Variants in EPM2A observed in about 807,000 individuals in gnomAD.
EPM2A encodes the protein EPM2A glucan phosphatase, laforin.
In EPM2A, 21 loss-of-function variants were observed where a neutral mutation model predicts 26.5. That is an observed-to-expected ratio of 0.79 (90% CI 0.56 to 1.14). The LOEUF (loss-of-function observed/expected upper bound fraction) is 1.14. Among genes scored for constraint, EPM2A ranks in the 50% most tolerant of loss-of-function variants. The pLI is 0.00. For synonymous variants in EPM2A, 217 were observed against 177.6 expected, an observed-to-expected ratio of 1.22 and a Z score of -1.76; for missense variants, 458 against 440.8, an observed-to-expected ratio of 1.04 and a Z score of -0.35.
chr6:145,569,125 T>A (rs1273090787), intron 2 of EPM2A, among the ~76,000 whole-genome samples: 7 of 152,236 alleles, frequency 4.6e-5, no homozygotes. Flanking sequence ...AATAGCACTA[T>A]GGCATGGACT....
chr6:145,632,922 C>T (rs778879576), intron 3 of EPM2A, among the ~76,000 whole-genome samples: 2 of 152,212 alleles, frequency 1.3e-5, no homozygotes, highest in African/African-American at 2.4e-5. Flanking sequence ...GCCTTTATCA[C>T]GTGGAAGCTT....
At chr6:145,485,827 G>C (rs1779663940) in intron 4 of EPM2A, among the ~76,000 whole-genome samples, 1 of 152,166 alleles carries the variant, frequency 6.6e-6, no homozygotes, top group African/African-American at 2.4e-5. Context: ...AAGGCAAAAG[G>C]CACGTCTCAC....
At chr6:145,476,754 G>A (rs1468578383) in intron 4 of EPM2A, among the ~76,000 whole-genome samples, 1 of 151,862 alleles carries the variant, frequency 6.6e-6, no homozygotes, top group Non-Finnish European at 1.5e-5. Context: ...TGAAACAAAT[G>A]GTAAGGAAGA....
chr6:145,553,493 C>T (rs1309238508), intron 2 of EPM2A, among the ~76,000 whole-genome samples: 1 of 152,042 alleles, frequency 6.6e-6, no homozygotes, highest in Non-Finnish European at 1.5e-5. Flanking sequence ...TTTGTGCTGT[C>T]TACCTTCCAA....
chr6:145,564,269 C>CAT (rs975001174), intron 2 of EPM2A, among the ~76,000 whole-genome samples: 7 of 152,148 alleles, frequency 4.6e-5, no homozygotes, highest in African/African-American at 1.4e-4. Flanking sequence ...TACATGTGTT[C>CAT]ATATATATAC....
chr6:145,468,627 C>A (rs1231717380), intron 4 of EPM2A, among the ~76,000 whole-genome samples: 1 of 86,046 alleles, frequency 1.2e-5, no homozygotes, highest in Non-Finnish European at 2.3e-5. Context: ...ATACAAAAAT[C>A]AAATCAAAAA....
chr6:145,625,065 T>G (rs1562407690), downstream of EPM2A, among the ~76,000 whole-genome samples: 1 of 152,202 alleles, frequency 6.6e-6, no homozygotes, highest in Non-Finnish European at 1.5e-5. Flanking sequence ...GCATAATATC[T>G]GCTTTGATTT....
intron 4 of EPM2A, among the ~76,000 whole-genome samples, chr6:145,460,262 A>T (rs1582772430): frequency 6.6e-6 from 1 of 152,170 alleles, no homozygotes; most frequent in East Asian, 1.9e-4. Context: ...GTTCTATTCA[A>T]ATATCAATGG....
At chr6:145,667,458 CA>C (rs1437804972) in intron 2 of EPM2A, among the ~76,000 whole-genome samples, 8 of 146,386 alleles carry the variant, frequency 5.5e-5, no homozygotes, top group Non-Finnish European at 1.2e-4. Context: ...ATCAAAACCA[CA>C]ATGAGATATT....
Position 145,696,192 on chromosome 6 carries a change from A to C in EPM2A, c.302-9896T>G, listed in dbSNP as rs149033221. Among the ~76,000 whole-genome samples the C allele has an allele frequency of 2.2e-3, 341 of 152,282 alleles. 2 individuals carry two copies. The highest frequency in any genetic ancestry group is 8.0e-3 in the African/African-American group (333 of 41,584). On this transcript the variant is annotated intron_variant, in intron 1 of 3. Coordinates refer to ENST00000367519, the MANE Select transcript of EPM2A (RefSeq NM_005670.4). ...GAACAACTAATAAGTCAAAGAAGGA[A>C]TCAAAAGGGAAATTAAAGAACATCT...
intron 3 of EPM2A, among the ~76,000 whole-genome samples, chr6:145,633,139 C>A (rs996949747): frequency 6.6e-6 from 1 of 152,166 alleles, no homozygotes; most frequent in Non-Finnish European, 1.5e-5. Context: ...GTCAGCAGAG[C>A]CTTCAGGTAA....
chr6:145,663,864 A>G (rs575884905), intron 2 of EPM2A, among the ~76,000 whole-genome samples: 4,295 of 86,014 alleles, frequency 0.05, 645 homozygotes, highest in Non-Finnish European at 0.07. Context: ...AACATTCAAC[A>G]TTCTTAAAGA....
In EPM2A at chr6:145,682,251, C is replaced by T. The variant is rs1336643946; in HGVS notation, c.476+3871G>A. 3.2e-4 allele frequency among the ~76,000 whole-genome samples: 48 copies of T among 152,160 alleles called. 1 individual carries two copies. Among genetic ancestry groups the T allele is most frequent in the Admixed American group, 3.1e-3 (48 of 15,270 alleles). ...TATAAAACCATCAGATCTCATGAGACTTATTCACTATCACGAGAACAGTAT... is the reference window on the plus strand; with the variant it reads ...TATAAAACCATCAGATCTCATGAGATTTATTCACTATCACGAGAACAGTAT... On this transcript the variant is annotated intron_variant, in intron 2 of 3. Transcript: ENST00000367519.
chr6:145,622,155 G>A (rs908224171), downstream of EPM2A, among the ~76,000 whole-genome samples: 3 of 152,118 alleles, frequency 2.0e-5, no homozygotes, highest in African/African-American at 7.2e-5. Context: ...ATTAAAATAT[G>A]TCCTTTAGTA....
intron 4 of EPM2A, among the ~76,000 whole-genome samples, chr6:145,489,414 T>G (rs1779726291): frequency 6.6e-6 from 1 of 152,110 alleles, no homozygotes; most frequent in Non-Finnish European, 1.5e-5. Context: ...TTTCCAGAAA[T>G]GTACTTCTCA....
intron 2 of EPM2A, among the ~76,000 whole-genome samples, chr6:145,617,369 T>C (rs571615267): frequency 6.6e-6 from 1 of 152,154 alleles, no homozygotes; most frequent in South Asian, 2.1e-4. Flanking sequence ...AATAACCGAG[T>C]CTCAATTATG....
intron 4 of EPM2A, among the ~76,000 whole-genome samples, chr6:145,473,254 C>T (rs1196859964): frequency 2.7e-5 from 4 of 149,916 alleles, no homozygotes. Flanking sequence ...TGAAAAATGC[C>T]ATTGGCATAC....
At chr6:145,620,583 G>A (rs1775611935), downstream of EPM2A, among the ~76,000 whole-genome samples, 1 of 152,174 alleles carries the variant, frequency 6.6e-6, no homozygotes, top group East Asian at 1.9e-4. Context: ...TTTATATACA[G>A]CGAACAGTAA....
chr6:145,619,639 G>A (rs575315447), intron 2 of EPM2A, among the ~76,000 whole-genome samples: 1 of 152,228 alleles, frequency 6.6e-6, no homozygotes, highest in East Asian at 1.9e-4. Context: ...ATGGGGTGGA[G>A]TGGTAATCAT....
Sources: allele counts gnomAD v4.1 joint callset (sites outside exome capture counted in the v4.1 genomes callset), GRCh38; gene constraint gnomAD v4.1.1; transcripts MANE v1.5; gene names NCBI Gene and HGNC (gene_info 2026-07-23, HGNC 2026-07-21).